CELF2: variants seen among roughly 807,000 people sequenced by gnomAD.
CELF2 encodes CUG triplet repeat RNA-binding protein 2.
Under a neutral mutation model 62.6 loss-of-function variants are expected in CELF2, and 8 were observed. That is an observed-to-expected ratio of 0.13 (90% CI 0.07 to 0.23). The LOEUF (loss-of-function observed/expected upper bound fraction) is 0.23. Among genes scored for constraint, CELF2 ranks in the 10% least tolerant of loss-of-function variants. The probability of loss-of-function intolerance (pLI) is 1.00; values close to 1 mark genes in which losing one functional copy is unlikely to be tolerated. For missense variants in CELF2, 333 were observed against 671.0 expected (o/e 0.50, Z 5.56); for synonymous variants, 258 against 250.0 (o/e 1.03, Z -0.30).
chr10:10,696,803 C>A, the CELF2 span, among the ~76,000 whole-genome samples: 1 of 152,020 alleles, frequency 6.6e-6, no homozygotes, highest in African/African-American at 2.4e-5. Flanking sequence ...TGACCCCTTG[C>A]GCTTCCCAAG....
At chr10:11,105,745 A>C (rs2053240785) in intron 1 of CELF2, among the ~76,000 whole-genome samples, 1 of 152,138 alleles carries the variant, frequency 6.6e-6, no homozygotes. Flanking sequence ...AGACACCTTC[A>C]CACATCTCTG....
At chr10:10,579,990 A>G in the CELF2 span, among the ~76,000 whole-genome samples, 1 of 152,134 alleles carries the variant, frequency 6.6e-6, no homozygotes, top group Non-Finnish European at 1.5e-5. Context: ...TGAGATCTGG[A>G]CTGATGTGGA....
the CELF2 span, among the ~76,000 whole-genome samples, chr10:10,708,757 TAC>T: frequency 6.6e-6 from 1 of 152,150 alleles, no homozygotes; most frequent in Non-Finnish European, 1.5e-5. Flanking sequence ...TACATACATA[TAC>T]GATTGAAATA....
chr10:11,097,963 G>A (rs1016572156), intron 1 of CELF2: 4 of 152,344 alleles, frequency 2.6e-5, no homozygotes, highest in Non-Finnish European at 4.4e-5. Flanking sequence ...GGGAGCACTG[G>A]ATGCCACCCT....
the CELF2 span, among the ~76,000 whole-genome samples, chr10:10,680,650 C>T: frequency 0.29 from 44,144 of 152,102 alleles, 7,050 homozygotes; most frequent in South Asian, 0.52. Flanking sequence ...ACTTGGATAG[C>T]GCGTGGCCCA....
chr10:11,223,513 C>T lies in CELF2; in HGVS notation c.354+6006C>T, dbSNP rs987641815. On this transcript the variant is annotated intron_variant, in intron 3 of 12. Transcript: ENST00000633077. The surrounding 1 kb of genome is among the most constrained non-coding windows in gnomAD (Gnocchi z 5.1). ...TGCCTAGGAGGAGCCATTTCCCTGC[C>T]ATCTGTGTTTTCAGATAATACTCAA... Among the ~76,000 whole-genome samples, 2 of 152,228 alleles carry T rather than the reference C, an allele frequency of 1.3e-5. No individual in the cohort carries two copies. Among genetic ancestry groups the T allele is most frequent in the African/African-American group, 4.8e-5 (2 of 41,444 alleles).
the CELF2 span, among the ~76,000 whole-genome samples, chr10:10,583,512 G>A: frequency 5.9e-5 from 9 of 152,172 alleles, no homozygotes; most frequent in Non-Finnish European, 1.0e-4. Context: ...GGGTCCTCTA[G>A]GGTTAGCCTG....
chr10:10,770,138 C>T, the CELF2 span, among the ~76,000 whole-genome samples: 37,101 of 151,876 alleles, frequency 0.24, 5,117 homozygotes, highest in East Asian at 0.5. Context: ...TAGATGGATG[C>T]GGTGCGATTA....
intron 1 of CELF2, among the ~76,000 whole-genome samples, chr10:11,158,847 A>G (rs2065079951): frequency 6.6e-6 from 1 of 152,170 alleles, no homozygotes; most frequent in African/African-American, 2.4e-5. Flanking sequence ...CAAGAACACA[A>G]ATGTGTTATT....
chr10:11,048,250 G>T (rs183289266), intron 1 of CELF2, among the ~76,000 whole-genome samples: 1 of 152,294 alleles, frequency 6.6e-6, no homozygotes, highest in African/African-American at 2.4e-5. Context: ...TATAGCTGCA[G>T]GTTATTAACA....
chr10:11,175,737 A>G (rs2070829652), intron 2 of CELF2, among the ~76,000 whole-genome samples: 2 of 152,158 alleles, frequency 1.3e-5, no homozygotes, highest in Non-Finnish European at 1.5e-5. Context: ...TGAACTGAAT[A>G]TAGAACAGAA....
intron 2 of CELF2, among the ~76,000 whole-genome samples, chr10:10,961,094 G>T (rs1056458200): frequency 9.2e-5 from 14 of 152,100 alleles, no homozygotes; most frequent in Non-Finnish European, 1.9e-4. Context: ...AATATTTTTT[G>T]GGTCAGAAAA....
the CELF2 span, among the ~76,000 whole-genome samples, chr10:10,576,459 T>C: frequency 2.0e-5 from 3 of 152,208 alleles, no homozygotes; most frequent in South Asian, 6.2e-4. Flanking sequence ...TCTAACGTAT[T>C]AGTTAATATA....
chr10:11,295,605 G>A (rs1300126954), intron 9 of CELF2, among the ~76,000 whole-genome samples: 2 of 152,124 alleles, frequency 1.3e-5, no homozygotes, highest in East Asian at 3.9e-4. Flanking sequence ...AGGTAGAACT[G>A]CAAGTGGCCA....
At chr10:10,493,980 G>A in the CELF2 span, among the ~76,000 whole-genome samples, 1 of 152,292 alleles carries the variant, frequency 6.6e-6, no homozygotes, top group African/African-American at 2.4e-5. Context: ...AAGATGTGCT[G>A]TCTCCCCGGT....
chr10:11,095,581 C>T (rs2049602993), intron 1 of CELF2, among the ~76,000 whole-genome samples: 1 of 152,172 alleles, frequency 6.6e-6, no homozygotes, highest in South Asian at 2.1e-4. Context: ...ATCTTTTGCC[C>T]ACATTTTTAA....
chr10:11,201,820 CAGGCAA>C (rs1306317460), intron 2 of CELF2, among the ~76,000 whole-genome samples: 1 of 152,294 alleles, frequency 6.6e-6, no homozygotes, highest in Non-Finnish European at 1.5e-5. Flanking sequence ...GCCAATGTTC[CAGGCAA>C]TTATCATCTT....
At chr10:10,554,511 G>C in the CELF2 span, among the ~76,000 whole-genome samples, 1 of 152,164 alleles carries the variant, frequency 6.6e-6, no homozygotes, top group African/African-American at 2.4e-5. Flanking sequence ...AGAAAAGAGA[G>C]GAACCATCTC....
intron 1 of CELF2, among the ~76,000 whole-genome samples, chr10:11,099,255 A>G (rs1235439167): frequency 6.6e-6 from 1 of 152,230 alleles, no homozygotes; most frequent in African/African-American, 2.4e-5. Flanking sequence ...AGTAAAAATG[A>G]TTAATAGCCC....
Sources: gnomAD v4.1 joint callset for allele counts (sites outside exome capture counted in the v4.1 genomes callset) on GRCh38, gnomAD v4.1.1 for gene constraint, Gnocchi (gnomAD v3.1) non-coding constraint, MANE v1.5 for transcripts, NCBI Gene and HGNC (gene_info 2026-07-23, HGNC 2026-07-21) for gene names.